TSSK4: variants seen among roughly 807,000 people sequenced by gnomAD.
The protein encoded by TSSK4 is testis-specific serine/threonine-protein kinase 4.
TSSK4 carries 22 observed loss-of-function variants against 28.5 expected under a neutral mutation model. The observed-to-expected ratio is 0.77, with a 90% confidence interval of 0.55 to 1.10. The LOEUF is 1.10. Among genes scored for constraint, TSSK4 ranks in the 50% least tolerant of loss-of-function variants. TSSK4 has a pLI of 0.00. For synonymous variants in TSSK4, 151 were observed against 158.3 expected, an observed-to-expected ratio of 0.95 and a Z score of 0.35; for missense variants, 329 against 415.4, an observed-to-expected ratio of 0.79 and a Z score of 1.81.
chr14:24,206,406 C>A, intron 1 of TSSK4, 103 bp from the exon 2 acceptor site: 1 of 1,259,614 alleles, frequency 7.9e-7, no homozygotes, highest in Non-Finnish European at 1.1e-6. Context: ...AGGGGCTGAT[C>A]CTATTGCAAA....
At chr14:24,207,026 G>T in intron 2 of TSSK4, 90 bp from the exon 3 acceptor site, 6 of 1,548,038 alleles carry the variant, frequency 3.9e-6, no homozygotes, top group Non-Finnish European at 4.4e-6. Context: ...CCCTCATAAT[G>T]GTTTCTACCT....
chr14:24,205,866 C>A lies in TSSK4; in HGVS notation c.-58C>A. 2 of 1,399,164 alleles carry A rather than the reference C, an allele frequency of 1.4e-6. No homozygotes were observed. The highest frequency in any genetic ancestry group is 2.0e-6 in the Non-Finnish European group (2 of 987,166). The allele number at this position is 1,399,164 out of a possible 1,614,324, so 86.7% of individuals were successfully genotyped here. ...AGCCTTCAGCAGCTCAAGGTGTTGG[C>A]CTTTGGATAGGAGGCTTCCAAGTAG... On this transcript the variant is annotated 5_prime_UTR_variant, in exon 1 of 4. Transcript: ENST00000339917.
At chr14:24,206,785 C>G (rs2138853644) in intron 2 of TSSK4, 62 bp downstream of exon 2, 1 of 1,561,460 alleles carries the variant, frequency 6.4e-7, no homozygotes, top group East Asian at 2.3e-5. Flanking sequence ...GCACATCTCC[C>G]ATTTCCTGTC....
chr14:24,207,642 C>T, intron 3 of TSSK4, 133 bp downstream of exon 3: 1 of 1,094,302 alleles, frequency 9.1e-7, no homozygotes, highest in Non-Finnish European at 1.3e-6. Flanking sequence ...CCATCTCACA[C>T]ACTAGCTCCT....
intron 2 of TSSK4, 72 bp from the exon 3 acceptor site, chr14:24,207,044 C>T: frequency 1.3e-6 from 2 of 1,587,962 alleles, no homozygotes; most frequent in East Asian, 4.5e-5. Context: ...CCTCCCACTT[C>T]CTCTGTCCTC....
chr14:24,207,017 C>T, intron 2 of TSSK4, 99 bp from the exon 3 acceptor site: 1 of 1,498,292 alleles, frequency 6.7e-7, no homozygotes, highest in Non-Finnish European at 9.1e-7. Flanking sequence ...TACCTTGTGC[C>T]CTCATAATGG....
intron 2 of TSSK4, 136 bp downstream of exon 2, chr14:24,206,859 T>C (rs1462804944): frequency 1.9e-6 from 2 of 1,056,374 alleles, no homozygotes; most frequent in Non-Finnish European, 2.8e-6. Flanking sequence ...ATTTTAATCA[T>C]ATGGTCAAGG....
Position 24,206,719 on chromosome 14 carries a change from C to T in TSSK4, c.436C>T (p.His146Tyr). ...IAYLHSKSIV[H>Y]RLMPSLSAAG... is the part of the protein sequence containing the mutation. ...CTACCTGCACAGCAAGAGCATCGTG[C>T]ACCGGTGAGGGCGCTGCCACCCAGA... The change falls in exon 2 of 4, where the codon CAC becomes TAC. Residue 146 changes from histidine to tyrosine, a missense_variant. His to Tyr is a moderately conservative substitution (Grantham distance 83, BLOSUM62 2). Around this residue, in one of 3 missense-constraint regions of TSSK4, gnomAD observed 175 missense variants for 196.0 expected, o/e 0.89. Coordinates refer to ENST00000339917, the MANE Select transcript of TSSK4 (RefSeq NM_001184739.2). 1.9e-6 allele frequency: 3 copies of T among 1,613,478 alleles called. No homozygotes were observed. Among genetic ancestry groups the T allele is most frequent in the Middle Eastern group, 1.8e-4 (1 of 5,534 alleles).
At position 24,207,135 on chromosome 14, in the gene TSSK4, G is replaced by A; in HGVS notation, c.460G>A (p.Ala154Thr). ...CCCCAGCCTGATGCCCAGCCTTTCT[G>A]CTGCTGGTAGGGACTTAAAGTTGGA... ...IVHRLMPSLSAAGRDLKLENL... is the reference protein window; with the variant it reads ...IVHRLMPSLSTAGRDLKLENL... The change falls in exon 3 of 4, where the codon GCT becomes ACT. Residue 154 changes from alanine (A) to threonine (T), a missense_variant. Transcript: ENST00000339917. 6.2e-7 allele frequency: 1 copy of A among 1,608,630 alleles called. No homozygotes were observed. Among genetic ancestry groups the A allele is most frequent in the Non-Finnish European group, 8.5e-7 (1 of 1,180,012 alleles).
Position 24,205,968 on chromosome 14 carries a change from C to G in TSSK4, c.45C>G (p.Ala15=). 6.2e-7 allele frequency: 1 copy of G among 1,614,226 alleles called. No homozygotes were observed. The highest frequency in any genetic ancestry group is 8.5e-7 in the Non-Finnish European group (1 of 1,180,042). ...TAGAGGCAGCACCAACCACCACAGC[C>G]TACCATTCCCTCATGGATGAATATG... ...DVLEAAPTTT[A]YHSLMDEYGY... Residue 15 remains alanine, a synonymous_variant, in exon 1 of 4, where the codon GCC becomes GCG. Transcript: ENST00000339917.
At chr14:24,207,638 C>G (rs2039544751) in intron 3 of TSSK4, 129 bp downstream of exon 3, 1 of 1,110,114 alleles carries the variant, frequency 9.0e-7, no homozygotes, top group African/African-American at 1.6e-5. Context: ...AGAGCCATCT[C>G]ACACACTAGC....
rs78715955 is a variant in TSSK4 at position 24,205,708 on chromosome 14, G to A, written c.-216G>A. The A allele has an allele frequency of 8.2e-4, 474 of 574,812 alleles. 2 individuals carry two copies. The highest frequency in any genetic ancestry group is 8.2e-3 in the African/African-American group (439 of 53,540). 35.6% of individuals were successfully genotyped at this position (574,812 alleles called of 1,614,324 possible). A position where few individuals can be genotyped will look rare whatever the true frequency, so the allele number is the denominator to read the frequency against. ...TAACCAAAAGGAGAAAGTAACAACA[G>A]CCAGTGGAGACAAAAAGAACTGCTT... is the stretch of plus-strand genomic sequence containing the variant. On this transcript the variant is annotated 5_prime_UTR_variant, in exon 1 of 4. Transcript: ENST00000339917.
intron 3 of TSSK4, 97 bp from the exon 4 acceptor site, chr14:24,207,867 A>C: frequency 6.3e-7 from 1 of 1,597,154 alleles, no homozygotes; most frequent in Non-Finnish European, 8.5e-7. Context: ...GAGTGGTATG[A>C]TGGGCTATCC....
At chr14:24,206,401 C>A (rs78386085) in intron 1 of TSSK4, 108 bp from the exon 2 acceptor site, 75,201 of 1,227,014 alleles carry the variant, frequency 0.061, 2,965 homozygotes, top group East Asian at 0.2. Context: ...GGTTGAGGGG[C>A]TGATCCTATT....
chr14:24,207,326 A>G lies in TSSK4; in HGVS notation c.651A>G (p.Pro217=). ...GTGGCAGCTTTGCTTACGCTTGCCC[A>G]GAGATCTTACGAGGCTTGCCCTACA... ...TYCGSFAYAC[P]EILRGLPYNP... The change falls in exon 3 of 4, where the codon CCA becomes CCG. Residue 217 remains proline, a synonymous_variant. Coordinates refer to ENST00000339917, the MANE Select transcript of TSSK4 (RefSeq NM_001184739.2). 6.2e-7 allele frequency: 1 copy of G among 1,614,130 alleles called. No individual in the cohort carries two copies. The highest frequency in any genetic ancestry group is 8.5e-7 in the Non-Finnish European group (1 of 1,180,002).
In TSSK4 at chr14:24,207,317, C is replaced by T. The variant is rs771807639; in HGVS notation, c.642C>T (p.Tyr214=). 91 of 1,614,022 alleles carry T rather than the reference C, an allele frequency of 5.6e-5. No individual in the cohort carries two copies. The highest frequency in any genetic ancestry group is 1.2e-4 in the Admixed American group (7 of 59,998). The change falls in exon 3 of 4, where the codon TAC becomes TAT. Residue 214 remains tyrosine, a synonymous_variant. Coordinates refer to ENST00000339917, the MANE Select transcript of TSSK4 (RefSeq NM_001184739.2). ...AGACTTACTGTGGCAGCTTTGCTTA[C>T]GCTTGCCCAGAGATCTTACGAGGCT... ...LSQTYCGSFA[Y]ACPEILRGLP... is the part of the protein sequence containing the mutation.
Position 24,206,629 on chromosome 14 carries a change from C to T in TSSK4, c.346C>T (p.Arg116Cys), listed in dbSNP as rs778005942. 1.2e-5 allele frequency: 20 copies of T among 1,614,084 alleles called. No individual in the cohort carries two copies. Among genetic ancestry groups the T allele is most frequent in the Admixed American group, 6.7e-5 (4 of 60,004 alleles). The change falls in exon 2 of 4, where the codon CGC (arginine) becomes TGC (cysteine). Residue 116 changes from arginine to cysteine, a missense_variant. Around this residue, in one of 3 missense-constraint regions of TSSK4, gnomAD observed 175 missense variants for 196.0 expected, o/e 0.89. Transcript: ENST00000339917. ...TGGTGATGTCCTTGAATGGATCCAG[C>T]GCTACGGGGCCTGCTCTGAGCCCCT... is the stretch of plus-strand genomic sequence containing the variant. ...QGGDVLEWIQ[R>C]YGACSEPLAG... is the part of the protein sequence containing the mutation.
Position 24,207,133 on chromosome 14 carries a change from C to T in TSSK4, c.458C>T (p.Ser153Phe). The T allele has an allele frequency of 6.2e-7, 1 of 1,608,410 alleles. No individual in the cohort carries two copies. The highest frequency in any genetic ancestry group is 1.1e-5 in the South Asian group (1 of 91,064). ...CTCCCCAGCCTGATGCCCAGCCTTT[C>T]TGCTGCTGGTAGGGACTTAAAGTTG... ...SIVHRLMPSL[S>F]AAGRDLKLEN... The change falls in exon 3 of 4, where the codon TCT becomes TTT. Residue 153 changes from serine (S) to phenylalanine (F), a missense_variant. Physicochemically the swap from Ser to Phe is radical, Grantham distance 155. Coordinates refer to ENST00000339917, the MANE Select transcript of TSSK4 (RefSeq NM_001184739.2).
chr14:24,207,261 C>G lies in TSSK4; in HGVS notation c.586C>G (p.Arg196Gly), dbSNP rs188911161. The G allele has an allele frequency of 4.5e-5, 73 of 1,613,988 alleles. No individual in the cohort carries two copies. The highest frequency in any genetic ancestry group is 5.5e-5 in the Non-Finnish European group (65 of 1,179,984). The part of the protein sequence containing the change: ...NQPVGCSPSY[R>G]QVNCFSHLSQ... Reference sequence around the variant, plus strand: ...GCCTGTGGGTTGTAGCCCTTCTTACCGCCAAGTGAACTGCTTTTCCCACCT... The same window carrying G: ...GCCTGTGGGTTGTAGCCCTTCTTACGGCCAAGTGAACTGCTTTTCCCACCT... Residue 196 changes from arginine to glycine, a missense_variant, in exon 3 of 4, where the codon CGC (arginine) becomes GGC (glycine). Arg to Gly is a moderately radical substitution (Grantham distance 125). Transcript: ENST00000339917.
Sources: gnomAD v4.1 joint callset for allele counts on GRCh38, gnomAD v4.1.1 for gene constraint, gnomAD v4.1.1 regional missense constraint, MANE v1.5 for transcripts, NCBI Gene and HGNC (gene_info 2026-07-23, HGNC 2026-07-21) for gene names.